Variants in MGRN1 observed in about 807,000 individuals in gnomAD.
MGRN1 encodes mahogunin ring finger 1.
Under a neutral mutation model 69.2 loss-of-function variants are expected in MGRN1, and 29 were observed. The observed-to-expected ratio is 0.42, with a 90% CI of 0.31 to 0.57. The LOEUF (loss-of-function observed/expected upper bound fraction) is 0.57, where lower values mean the gene tolerates loss of function less well. Among genes scored for constraint, MGRN1 ranks in the 20% least tolerant of loss-of-function variants. The pLI is 0.15. For synonymous variants in MGRN1, 470 were observed against 344.2 expected, an observed-to-expected ratio of 1.37 and a Z score of -4.04; for missense variants, 998 against 796.2, an observed-to-expected ratio of 1.25 and a Z score of -3.05.
At chr16:4,645,121 A>G (rs2078246160) in intron 1 of MGRN1, among the ~76,000 whole-genome samples, 3 of 132,928 alleles carry the variant, frequency 2.3e-5, no homozygotes, top group South Asian at 2.5e-4. Flanking sequence ...ATGCGTGTGC[A>G]TATATATATA....
intron 1 of MGRN1, among the ~76,000 whole-genome samples, chr16:4,626,721 T>G (rs1277861715): frequency 6.6e-6 from 1 of 152,234 alleles, no homozygotes. Context: ...TACATGTCAT[T>G]TACAGCCCGC....
At chr16:4,638,464 CA>C (rs112029845) in intron 1 of MGRN1, among the ~76,000 whole-genome samples, 32 of 143,494 alleles carry the variant, frequency 2.2e-4, no homozygotes, top group Middle Eastern at 3.6e-3. Flanking sequence ...GAGTCCGTCT[CA>C]AAAAAAAAAA....
intron 3 of MGRN1, among the ~76,000 whole-genome samples, chr16:4,652,390 C>T (rs1366259917): frequency 6.6e-6 from 1 of 151,996 alleles, no homozygotes; most frequent in Non-Finnish European, 1.5e-5. Context: ...GACCCAGCAC[C>T]AGATTTCAGC....
In MGRN1 at chr16:4,690,453, G is replaced by T; in HGVS notation, c.*1545G>T. On this transcript the variant is annotated 3_prime_UTR_variant, in exon 17 of 17. Coordinates refer to ENST00000262370, the MANE Select transcript of MGRN1 (RefSeq NM_015246.4). ...TCCGAGCATGAGGTCCGCCTCCTGG[G>T]CGAGACCCAGCAGTGGACAGCATGG... 1 of 152,342 alleles carries T rather than the reference G, an allele frequency of 6.6e-6. No individual in the cohort carries two copies. Among genetic ancestry groups the T allele is most frequent in the Non-Finnish European group, 1.5e-5 (1 of 68,068 alleles). 9.4% of individuals were successfully genotyped at this position (152,342 alleles called of 1,614,324 possible).
intron 4 of MGRN1, among the ~76,000 whole-genome samples, chr16:4,656,084 G>T (rs969416487): frequency 6.6e-6 from 1 of 152,232 alleles, no homozygotes; most frequent in African/African-American, 2.4e-5. Context: ...AGGAGAGCCT[G>T]TGGAGCCCTG....
chr16:4,629,250 G>A (rs911994120), intron 1 of MGRN1, among the ~76,000 whole-genome samples: 2 of 150,010 alleles, frequency 1.3e-5, no homozygotes, highest in Admixed American at 6.7e-5. Context: ...TTTATCTTAC[G>A]GAGTTGTAAC....
chr16:4,686,380 C>A (rs1408305181), intron 16 of MGRN1: 8 of 1,508,480 alleles, frequency 5.3e-6, no homozygotes, highest in African/African-American at 2.8e-5. Flanking sequence ...TGCTCTCTGG[C>A]GGGGGTTCCT....
At chr16:4,670,620 G>A (rs1234402933) in intron 8 of MGRN1, among the ~76,000 whole-genome samples, 1 of 152,232 alleles carries the variant, frequency 6.6e-6, no homozygotes, top group Non-Finnish European at 1.5e-5. Context: ...TATGGGAGGT[G>A]GAGGCAGGAG....
At chr16:4,680,586 C>T (rs552868644) in intron 12 of MGRN1, 2 of 159,614 alleles carry the variant, frequency 1.3e-5, no homozygotes, top group South Asian at 3.1e-4. Context: ...CTCCGTGGCC[C>T]AGGCAGACCC....
chr16:4,631,388 C>T (rs926816875), intron 1 of MGRN1, among the ~76,000 whole-genome samples: 3 of 152,216 alleles, frequency 2.0e-5, no homozygotes, highest in African/African-American at 4.8e-5. Context: ...TGGGACTCTC[C>T]ATTCTGTTCC....
intron 5 of MGRN1, among the ~76,000 whole-genome samples, chr16:4,661,452 G>C (rs968589456): frequency 3.9e-5 from 6 of 152,264 alleles, no homozygotes. Flanking sequence ...TGCTGGTGTT[G>C]ACTGTGTGTT....
At chr16:4,679,890 A>G in intron 11 of MGRN1, 142 bp from the exon 12 acceptor site, 1 of 768,244 alleles carries the variant, frequency 1.3e-6, no homozygotes, top group Non-Finnish European at 2.1e-6. Context: ...CACTTAGGAC[A>G]GTCCCGAGAT....
rs377648839 is a variant in MGRN1, at chr16:4,681,605, A to T, written c.1187A>T (p.Asn396Ile). 1 of 1,613,528 alleles carries T rather than the reference A, an allele frequency of 6.2e-7. No individual in the cohort carries two copies. Among genetic ancestry groups the T allele is most frequent in the African/African-American group, 1.3e-5 (1 of 75,082 alleles). ...CCCATCTCGCTGCTCGAGGCGCTCA[A>T]CGGCCTCCGGGCTGTCTCCCCGGCC... ...YEPISLLEAL[N>I]GLRAVSPAIP... The change falls in exon 13 of 17, where the codon AAC (asparagine) becomes ATC (isoleucine). Residue 396 changes from asparagine (N) to isoleucine (I), a missense_variant. Transcript: ENST00000262370.
At position 4,681,523 on chromosome 16, in the gene MGRN1, G is replaced by A. The variant is rs1255212499; in HGVS notation, c.1132-27G>A. On this transcript the variant is annotated intron_variant, in intron 12 of 16. Coordinates refer to ENST00000262370, the MANE Select transcript of MGRN1 (RefSeq NM_015246.4). ...GGGAGCAGGTGGTCCCTGGGCATGA[G>A]CCCCCTCACGCACCCTGTCCCTACA... 1.1e-5 allele frequency: 18 copies of A among 1,590,866 alleles called. No individual in the cohort carries two copies. In the South Asian group the frequency reaches 1.8e-4, roughly 16 times the overall value.
intron 2 of MGRN1, 78 bp from the exon 3 acceptor site, chr16:4,651,885 G>C: frequency 7.8e-7 from 1 of 1,287,950 alleles, no homozygotes; most frequent in Non-Finnish European, 1.1e-6. Flanking sequence ...TGGGGCTGTG[G>C]CTGCTGCACC....
At chr16:4,684,513 A>G (rs1420452066) in intron 16 of MGRN1, among the ~76,000 whole-genome samples, 1 of 152,210 alleles carries the variant, frequency 6.6e-6, no homozygotes, top group East Asian at 1.9e-4. Context: ...CACCTGATGC[A>G]GCAGCACATC....
rs148394065 is a variant in MGRN1 at position 4,636,806 on chromosome 16, G to A, written c.88+11758G>A. 5.1e-3 allele frequency among the ~76,000 whole-genome samples: 770 copies of A among 152,194 alleles called. 6 individuals carry two copies. The highest frequency in any genetic ancestry group is 0.031 in the Middle Eastern group (9 of 294). On this transcript the variant is annotated intron_variant, in intron 1 of 16. Coordinates refer to ENST00000262370, the MANE Select transcript of MGRN1 (RefSeq NM_015246.4). ...TCTTGTCCTGCTGTTGAAGTGCCTT[G>A]TGAAGTCTTTTACACATTAAAACAA...
chr16:4,657,217 C>T (rs374162320), intron 4 of MGRN1, 29 bp from the exon 5 acceptor site: 16 of 1,601,552 alleles, frequency 1.0e-5, no homozygotes, highest in Non-Finnish European at 1.2e-5. Flanking sequence ...CCTGCCGCAG[C>T]CTCACTGCTT....
At position 4,657,738 on chromosome 16, in the gene MGRN1, C is replaced by CTTTTTT. The variant is rs1157518931; in HGVS notation, c.561+397_561+402dup. Among the ~76,000 whole-genome samples the CTTTTTT allele has an allele frequency of 1.0e-4, 8 of 76,998 alleles. 1 individual carries two copies. The highest frequency in any genetic ancestry group is 7.4e-5 in the Non-Finnish European group (3 of 40,556). The allele number at this position is 76,998 out of a possible 152,430, so 50.5% of individuals were successfully genotyped here. A position where few individuals can be genotyped will look rare whatever the true frequency, so the allele number is the denominator to read the frequency against. On this transcript the variant is annotated intron_variant, in intron 5 of 16. Transcript: ENST00000262370. ...TGTTTAAAATCTTGGTGCAGACATC[C>CTTTTTT]TTTTTTTTTTTTTTTTTTTTTTTTT...
Sources: allele counts gnomAD v4.1 joint callset (sites outside exome capture counted in the v4.1 genomes callset), GRCh38; gene constraint gnomAD v4.1.1; transcripts MANE v1.5; gene names NCBI Gene and HGNC (gene_info 2026-07-23, HGNC 2026-07-21).